SND1: variants seen among roughly 807,000 people sequenced by gnomAD.
SND1 encodes the protein staphylococcal nuclease domain-containing protein 1.
A neutral mutation model predicts 121.7 loss-of-function variants in SND1; 38 were observed. The ratio of observed to expected loss-of-function variants is 0.31; its 90% CI spans 0.24 to 0.41. SND1 has a LOEUF of 0.41. Among genes scored for constraint, SND1 ranks in the 10% least tolerant of loss-of-function variants. The pLI is 1.00. For synonymous variants in SND1, 401 were observed against 447.4 expected, an observed-to-expected ratio of 0.90 and a Z score of 1.31; for missense variants, 868 against 1,184.6, an observed-to-expected ratio of 0.73 and a Z score of 3.92.
intron 1 of SND1, among the ~76,000 whole-genome samples, chr7:127,655,217 A>G (rs1200413222): frequency 3.3e-5 from 5 of 152,176 alleles, no homozygotes; most frequent in Admixed American, 2.0e-4. Context: ...TTTTTTGGCA[A>G]AAGAAAGTGT....
At chr7:127,983,902 G>C (rs572225537) in intron 15 of SND1, among the ~76,000 whole-genome samples, 1 of 152,006 alleles carries the variant, frequency 6.6e-6, no homozygotes, top group South Asian at 2.1e-4. Context: ...CCGATATGGC[G>C]TCCAGATTTT....
chr7:127,761,417 A>G (rs1244681641), intron 10 of SND1, among the ~76,000 whole-genome samples: 1 of 152,244 alleles, frequency 6.6e-6, no homozygotes, highest in Non-Finnish European at 1.5e-5. Context: ...CTTCAAGTAT[A>G]TTGGGGTATT....
intron 4 of SND1, among the ~76,000 whole-genome samples, chr7:127,699,841 G>A (rs542183907): frequency 6.6e-6 from 1 of 152,172 alleles, no homozygotes; most frequent in Non-Finnish European, 1.5e-5. Flanking sequence ...AGAAACATTT[G>A]CATGAGGTAT....
chr7:127,727,105 G>A (rs1307004561), intron 10 of SND1, among the ~76,000 whole-genome samples: 1 of 152,170 alleles, frequency 6.6e-6, no homozygotes, highest in East Asian at 1.9e-4. Flanking sequence ...ATAAAGGTTT[G>A]TTCACACCAG....
intron 10 of SND1, among the ~76,000 whole-genome samples, chr7:127,748,147 G>A (rs1587637627): frequency 6.6e-6 from 1 of 152,156 alleles, no homozygotes; most frequent in Non-Finnish European, 1.5e-5. Flanking sequence ...TAACACTCAC[G>A]GGAATCATTC....
At chr7:128,043,132 GA>G (rs1183210265) in intron 16 of SND1, among the ~76,000 whole-genome samples, 1 of 152,152 alleles carries the variant, frequency 6.6e-6, no homozygotes, top group Non-Finnish European at 1.5e-5. Flanking sequence ...CTCTTTGTGA[GA>G]AAAGCCAAAG....
intron 12 of SND1, among the ~76,000 whole-genome samples, chr7:127,867,766 C>G (rs981050071): frequency 2.0e-5 from 3 of 152,072 alleles, no homozygotes; most frequent in African/African-American, 7.2e-5. Context: ...CTTTAATTCT[C>G]TTTTTGAAAC....
chr7:127,901,887 G>T (rs1410857572), intron 13 of SND1, among the ~76,000 whole-genome samples: 1 of 152,178 alleles, frequency 6.6e-6, no homozygotes, highest in African/African-American at 2.4e-5. Flanking sequence ...CTTTTTAGAA[G>T]CAGGGTAGAG....
At chr7:128,026,982 C>T (rs1010869389) in intron 16 of SND1, 2 of 152,274 alleles carry the variant, frequency 1.3e-5, no homozygotes, top group Non-Finnish European at 2.9e-5. Context: ...ACCCTCCCCT[C>T]CCCGCTTTTT....
intron 16 of SND1, among the ~76,000 whole-genome samples, chr7:128,019,085 G>A (rs868277051): frequency 6.6e-6 from 1 of 151,968 alleles, no homozygotes; most frequent in Non-Finnish European, 1.5e-5. Flanking sequence ...CCAAAGACCT[G>A]CCCCCCTCCC....
chr7:127,940,371 A>G (rs958857532), intron 15 of SND1, among the ~76,000 whole-genome samples: 1 of 152,194 alleles, frequency 6.6e-6, no homozygotes, highest in African/African-American at 2.4e-5. Flanking sequence ...TAATGTTGAC[A>G]AGCTACTGTG....
At chr7:127,924,635 C>T (rs1800793564) in intron 14 of SND1, among the ~76,000 whole-genome samples, 1 of 152,156 alleles carries the variant, frequency 6.6e-6, no homozygotes, top group Admixed American at 6.6e-5. Context: ...ACCTGGCTGT[C>T]TGGGGTGGTG....
chr7:127,851,211 T>A (rs569040367), intron 12 of SND1, among the ~76,000 whole-genome samples: 15 of 152,348 alleles, frequency 9.8e-5, no homozygotes, highest in Middle Eastern at 3.4e-3. Context: ...TTCCCCTTTT[T>A]GCTTTTTATA....
intron 11 of SND1, among the ~76,000 whole-genome samples, chr7:127,835,709 A>G (rs910581993): frequency 8.5e-5 from 13 of 152,200 alleles, no homozygotes; most frequent in Admixed American, 7.2e-4. Flanking sequence ...TTGTAGGATT[A>G]TAAATCCTGG....
At chr7:127,652,479 C>T (rs753807732) in intron 1 of SND1, 28 bp downstream of exon 1, 11 of 1,534,190 alleles carry the variant, frequency 7.2e-6, no homozygotes, top group Non-Finnish European at 7.9e-6. Context: ...ACACCGACCC[C>T]TCTGCCTGCC....
intron 10 of SND1, among the ~76,000 whole-genome samples, chr7:127,785,862 T>C (rs1311067915): frequency 1.3e-5 from 2 of 152,248 alleles, no homozygotes; most frequent in African/African-American, 4.8e-5. Flanking sequence ...TATACTGAGA[T>C]TGCAGAAGAT....
At chr7:127,780,035 A>AC (rs1797691731) in intron 10 of SND1, among the ~76,000 whole-genome samples, 2 of 152,186 alleles carry the variant, frequency 1.3e-5, no homozygotes, top group African/African-American at 4.8e-5. Context: ...CTTTGAAGGT[A>AC]GGATTCAGGT....
intron 10 of SND1, among the ~76,000 whole-genome samples, chr7:127,729,479 C>G (rs1269620710): frequency 4.4e-5 from 5 of 114,584 alleles, no homozygotes; most frequent in African/African-American, 1.7e-4. Flanking sequence ...CATTTATATT[C>G]AAGGCAAGTT....
At chr7:127,907,134 G>A (rs1435839929) in intron 14 of SND1, among the ~76,000 whole-genome samples, 1 of 152,196 alleles carries the variant, frequency 6.6e-6, no homozygotes, top group Admixed American at 6.5e-5. Flanking sequence ...TTAAATGGAT[G>A]TCAGATATGA....
Sources: gnomAD v4.1 joint callset for allele counts (sites outside exome capture counted in the v4.1 genomes callset) on GRCh38, gnomAD v4.1.1 for gene constraint, MANE v1.5 for transcripts, NCBI Gene and HGNC (gene_info 2026-07-23, HGNC 2026-07-21) for gene names.